Variants in NPHP1 observed in about 807,000 individuals in gnomAD.
NPHP1 encodes the protein nephrocystin 1, also known as nephrocystin-1.
Under a neutral mutation model 90.4 loss-of-function variants are expected in NPHP1, and 70 were observed. The ratio of observed to expected loss-of-function variants is 0.77; its 90% CI spans 0.64 to 0.95. NPHP1 has a LOEUF of 0.95. NPHP1 is among the 40% of genes least tolerant of loss of function. NPHP1 has a pLI of 0.00. For synonymous variants in NPHP1, 256 were observed against 271.7 expected, an observed-to-expected ratio of 0.94 and a Z score of 0.57; for missense variants, 764 against 795.9, an observed-to-expected ratio of 0.96 and a Z score of 0.48.
intron 15 of NPHP1, 181 bp from the exon 16 acceptor site, chr2:110,143,822 A>G (rs2104481138): frequency 1.7e-6 from 1 of 593,534 alleles, no homozygotes; most frequent in East Asian, 2.9e-5. Context: ...ATTGTTTGCT[A>G]AATCACATGA....
At chr2:110,193,701 T>A (rs1408279577) in intron 2 of NPHP1, among the ~76,000 whole-genome samples, 2 of 152,082 alleles carry the variant, frequency 1.3e-5, no homozygotes, top group Non-Finnish European at 2.9e-5. Context: ...CAACAGAATA[T>A]ACATTATTCT....
intron 19 of NPHP1, chr2:110,125,169 G>A: frequency 6.6e-7 from 1 of 1,521,258 alleles, no homozygotes; most frequent in African/African-American, 1.4e-5. Flanking sequence ...CTGGATGAGA[G>A]CAGTCAAACC....
chr2:110,171,697 C>G (rs1385368718), intron 4 of NPHP1, among the ~76,000 whole-genome samples: 2 of 152,090 alleles, frequency 1.3e-5, no homozygotes, highest in Non-Finnish European at 2.9e-5. Flanking sequence ...GGTTTTTCCC[C>G]TTCATTAATG....
chr2:110,198,286 C>T (rs913744859), intron 2 of NPHP1, among the ~76,000 whole-genome samples: 1 of 152,120 alleles, frequency 6.6e-6, no homozygotes, highest in East Asian at 1.9e-4. Context: ...TAGAGGGACA[C>T]ATTATGAAAT....
chr2:110,146,714 C>A (rs1681075899), intron 14 of NPHP1, 39 bp downstream of exon 14: 1 of 1,412,400 alleles, frequency 7.1e-7, no homozygotes, highest in Admixed American at 1.7e-5. Context: ...TGAATTTTTA[C>A]AGAAGTATTC....
chr2:110,125,629 T>A lies in NPHP1; in HGVS notation c.1761+8A>T. The A allele has an allele frequency of 6.2e-7, 1 of 1,610,976 alleles. No homozygotes were observed. Among genetic ancestry groups the A allele is most frequent in the Non-Finnish European group, 8.5e-7 (1 of 1,177,208 alleles). On this transcript the variant is annotated splice_region_variant and intron_variant, in intron 19 of 19. Transcript: ENST00000445609. ...ATATGGAGTTCAGTGTGGAGACTCA[T>A]ATTTTACCTTCTCTGATCTTTTTAA...
In NPHP1 at chr2:110,201,491, C is replaced by A; in HGVS notation, c.73G>T (p.Asp25Tyr). The A allele has an allele frequency of 6.2e-7, 1 of 1,605,822 alleles. No individual in the cohort carries two copies. The highest frequency in any genetic ancestry group is 8.5e-7 in the Non-Finnish European group (1 of 1,173,972). ...AGTTGGCTCTCAGAAAGCAAACTAT[C>A]AACCTATGGAGACCATTTAAAATAT... ...RRNQELKQQV[D>Y]SLLSESQLKE... Residue 25 changes from aspartate to tyrosine, a missense_variant, in exon 2 of 20, where the codon GAT (aspartate) becomes TAT (tyrosine). Physicochemically the swap from Asp to Tyr is radical, Grantham distance 160 (BLOSUM62 -3). Transcript: ENST00000445609.
At chr2:110,142,705 C>T (rs1680737956) in intron 16 of NPHP1, among the ~76,000 whole-genome samples, 1 of 152,120 alleles carries the variant, frequency 6.6e-6, no homozygotes, top group Non-Finnish European at 1.5e-5. Flanking sequence ...TAAACATGCT[C>T]ATAACACATT....
chr2:110,192,982 G>T (rs1458222865), intron 2 of NPHP1, among the ~76,000 whole-genome samples: 1 of 152,098 alleles, frequency 6.6e-6, no homozygotes, highest in Non-Finnish European at 1.5e-5. Context: ...CACCAGGCCT[G>T]CCCTAAAAGA....
intron 14 of NPHP1, 99 bp from the exon 15 acceptor site, chr2:110,144,668 C>T: frequency 1.3e-6 from 1 of 747,256 alleles, no homozygotes; most frequent in Non-Finnish European, 2.4e-6. Flanking sequence ...TATACTCAGA[C>T]ATTTCATTTA....
intron 7 of NPHP1, 45 bp downstream of exon 7, chr2:110,165,007 A>G (rs988129304): frequency 7.0e-7 from 1 of 1,428,302 alleles, no homozygotes; most frequent in Non-Finnish European, 9.9e-7. Context: ...TAAACAAATA[A>G]AATGTTTCCT....
At chr2:110,204,809 G>C in intron 1 of NPHP1, 91 bp downstream of exon 1, 1 of 1,355,954 alleles carries the variant, frequency 7.4e-7, no homozygotes, top group Non-Finnish European at 1.1e-6. Flanking sequence ...AAGCTCCCAG[G>C]ATTAGGTGGG....
At chr2:110,199,565 G>C (rs972523631) in intron 2 of NPHP1, among the ~76,000 whole-genome samples, 1 of 152,114 alleles carries the variant, frequency 6.6e-6, no homozygotes, top group Non-Finnish European at 1.5e-5. Flanking sequence ...AGAAGGTGCA[G>C]TGAGCCATGA....
chr2:110,198,104 C>A (rs184534958), intron 2 of NPHP1, among the ~76,000 whole-genome samples: 44 of 152,128 alleles, frequency 2.9e-4, no homozygotes, highest in African/African-American at 1.0e-3. Flanking sequence ...GACAACTAGC[C>A]AGCAAGAGAT....
At chr2:110,203,778 A>G (rs1449636916) in intron 1 of NPHP1, among the ~76,000 whole-genome samples, 1 of 152,028 alleles carries the variant, frequency 6.6e-6, no homozygotes, top group African/African-American at 2.4e-5. Context: ...CTTATTTTTA[A>G]TAAGAACTCA....
rs1323114173 is a variant in NPHP1, at chr2:110,129,241, A to C, written c.1661T>G (p.Met554Arg). The C allele has an allele frequency of 6.2e-7, 1 of 1,613,376 alleles. No homozygotes were observed. The highest frequency in any genetic ancestry group is 8.5e-7 in the Non-Finnish European group (1 of 1,179,468). The change falls in exon 18 of 20, where the codon ATG (methionine) becomes AGG (arginine). Residue 554 changes from methionine to arginine, a missense_variant. Coordinates refer to ENST00000445609, the MANE Select transcript of NPHP1 (RefSeq NM_001128178.3). ...CAAGAGCATGGGGAAGGTGGCCAGC[A>C]TGGGATGGCTAATTAAATCTGAAAT... is the stretch of plus-strand genomic sequence containing the variant. ...LQSTDLISHP[M>R]LATFPMLLEQ...
chr2:110,131,812 G>T (rs979819612), intron 16 of NPHP1, 21 bp from the exon 17 acceptor site: 8 of 1,374,610 alleles, frequency 5.8e-6, no homozygotes, highest in South Asian at 1.2e-5. Flanking sequence ...AGAAAAAAAT[G>T]TATTCATTAG....
chr2:110,201,294 C>T (rs571247301), intron 2 of NPHP1, 127 bp downstream of exon 2: 6 of 733,692 alleles, frequency 8.2e-6, no homozygotes, highest in East Asian at 2.7e-5. Context: ...GTTTCTTCTA[C>T]ATTCAACTTA....
chr2:110,147,866 C>T (rs1357377864), intron 13 of NPHP1, 50 bp downstream of exon 13: 1 of 1,072,510 alleles, frequency 9.3e-7, no homozygotes, highest in African/African-American at 1.6e-5. Flanking sequence ...ATTTTTTAAC[C>T]TTCCCTTTTA....
Sources: gnomAD v4.1 joint callset for allele counts (sites outside exome capture counted in the v4.1 genomes callset) on GRCh38, gnomAD v4.1.1 for gene constraint, MANE v1.5 for transcripts, NCBI Gene and HGNC (gene_info 2026-07-23, HGNC 2026-07-21) for gene names.